Variants in NREP observed in about 807,000 individuals in gnomAD.
NREP encodes neuronal regeneration-related protein.
In NREP, 5 loss-of-function variants were observed where a neutral mutation model predicts 8.6. The ratio of observed to expected loss-of-function variants is 0.58; its 90% CI spans 0.30 to 1.22. The LOEUF (loss-of-function observed/expected upper bound fraction) is 1.22, where lower values mean the gene tolerates loss of function less well. NREP is among the 50% of genes most tolerant of loss of function. The pLI is 0.07. For synonymous variants in NREP, 27 were observed against 28.0 expected (o/e 0.96, Z 0.11); for missense variants, 86 against 82.5 (o/e 1.04, Z -0.17).
chr5:111,910,522 T>C, intron 2 of NREP, among the ~76,000 whole-genome samples: 1 of 152,028 alleles, frequency 6.6e-6, no homozygotes, highest in Non-Finnish European at 1.5e-5. Context: ...GTTTTCTTCC[T>C]GAGAAGAAAC....
chr5:111,730,510 GGTTT>G lies in NREP; in HGVS notation c.*407_*410del, dbSNP rs1482060030. 1.3e-5 allele frequency: 2 copies of G among 154,520 alleles called. No individual in the cohort carries two copies. Among genetic ancestry groups the G allele is most frequent in the Admixed American group, 6.4e-5 (1 of 15,634 alleles). 9.6% of individuals were successfully genotyped at this position (154,520 alleles called of 1,614,324 possible). A position where few individuals can be genotyped will look rare whatever the true frequency, so the allele number is the denominator to read the frequency against. On this transcript the variant is annotated 3_prime_UTR_variant, in exon 4 of 4. Coordinates refer to ENST00000257435, the MANE Select transcript of NREP (RefSeq NM_004772.4). The stretch of plus-strand genomic sequence containing the variant: ...GACAATTGATGAACATAAACTACTA[GGTTT>G]GTTACATCTAAATGAAAAAAAAGGT...
chr5:111,740,972 A>G (rs1001110216), intron 2 of NREP, among the ~76,000 whole-genome samples: 16 of 152,222 alleles, frequency 1.1e-4, no homozygotes, highest in African/African-American at 3.6e-4. Context: ...GAGGCTAAAT[A>G]CACCACACAC....
chr5:111,888,357 G>T (rs1754313744), intron 2 of NREP, among the ~76,000 whole-genome samples: 1 of 151,846 alleles, frequency 6.6e-6, no homozygotes, highest in East Asian at 1.9e-4. Context: ...GGGGTCTCAG[G>T]AAACTTACAA....
rs1487097716 is a variant in NREP, at chr5:111,871,548, T to TTA, written c.135+103724_135+103725dup. 3.3e-5 allele frequency among the ~76,000 whole-genome samples: 5 copies of TTA among 152,300 alleles called. No homozygotes were observed. The East Asian group carries it at 9.6e-4, about 29-fold the overall frequency. On this transcript the variant is annotated intron_variant, in intron 2 of 3. Coordinates refer to the NREP transcript ENST00000395634. ...CTAATAATACATTAATTGTAGCTTA[T>TTA]TATAACTTACTTTGTAAACCTAATT...
chr5:111,750,161 T>G (rs552458617), intron 2 of NREP, among the ~76,000 whole-genome samples: 2 of 152,204 alleles, frequency 1.3e-5, no homozygotes, highest in South Asian at 4.2e-4. Context: ...AGGAGGAAGA[T>G]CTCCCCTATG....
chr5:111,814,057 G>T (rs1363572787), intron 2 of NREP, among the ~76,000 whole-genome samples: 1 of 151,814 alleles, frequency 6.6e-6, no homozygotes, highest in Non-Finnish European at 1.5e-5. Flanking sequence ...ACAAATGTTT[G>T]AGAAAGAAGA....
chr5:111,881,555 A>G (rs7720931), intron 2 of NREP, among the ~76,000 whole-genome samples: 97,620 of 152,054 alleles, frequency 0.64, 31,958 homozygotes, highest in Non-Finnish European at 0.71. Context: ...CCTGACCCCC[A>G]AGCAGTCTAA....
intron 2 of NREP, among the ~76,000 whole-genome samples, chr5:111,910,188 C>T (rs1754873978): frequency 6.6e-6 from 1 of 152,086 alleles, no homozygotes; most frequent in African/African-American, 2.4e-5. Flanking sequence ...AACATCTGCA[C>T]TTCTGATTGC....
upstream of NREP, among the ~76,000 whole-genome samples, chr5:111,759,129 G>A (rs1750896659): frequency 6.6e-6 from 1 of 152,198 alleles, no homozygotes; most frequent in African/African-American, 2.4e-5. Flanking sequence ...TGGGAGAGGG[G>A]AGACGCCTGG....
chr5:111,950,427 C>T lies in NREP; in HGVS notation c.135+24847G>A, dbSNP rs36133922. ...TGGATTAAAGACTTAAATGTGAAAC[C>T]CAAAACCTTAAAAACCCTGGGAGAA... On this transcript the variant is annotated intron_variant, in intron 2 of 3. Coordinates refer to the NREP transcript ENST00000395634. Among the ~76,000 whole-genome samples, 124 of 151,960 alleles carry T rather than the reference C, an allele frequency of 8.2e-4. 1 individual carries two copies. Among genetic ancestry groups the T allele is most frequent in the African/African-American group, 2.7e-3 (111 of 41,438 alleles).
At chr5:111,765,132 T>G (rs530367927) in intron 2 of NREP, among the ~76,000 whole-genome samples, 1 of 152,034 alleles carries the variant, frequency 6.6e-6, no homozygotes, top group Non-Finnish European at 1.5e-5. Context: ...GGGGGTATGG[T>G]TTTGGGAGAA....
intron 2 of NREP, among the ~76,000 whole-genome samples, chr5:111,835,813 G>A (rs1752879165): frequency 6.6e-6 from 1 of 152,076 alleles, no homozygotes; most frequent in African/African-American, 2.4e-5. Context: ...GGTCATTGCT[G>A]TATAAAGTTC....
chr5:111,822,182 T>C (rs889233414), intron 2 of NREP, among the ~76,000 whole-genome samples: 2 of 152,150 alleles, frequency 1.3e-5, no homozygotes, highest in Non-Finnish European at 2.9e-5. Flanking sequence ...AATCAAGTCT[T>C]TGAAGGCATT....
intron 2 of NREP, among the ~76,000 whole-genome samples, chr5:111,954,564 T>C (rs1224895707): frequency 6.6e-6 from 1 of 152,176 alleles, no homozygotes; most frequent in Non-Finnish European, 1.5e-5. Context: ...AACTTCTCTC[T>C]ACTTCAAAGT....
chr5:111,786,454 A>G (rs1751613832), intron 2 of NREP, among the ~76,000 whole-genome samples: 1 of 152,156 alleles, frequency 6.6e-6, no homozygotes, highest in African/African-American at 2.4e-5. Context: ...CTCTCTCCTG[A>G]CCTCCAGAAA....
intron 2 of NREP, among the ~76,000 whole-genome samples, chr5:111,871,456 C>T (rs921130141): frequency 6.6e-6 from 1 of 152,046 alleles, no homozygotes; most frequent in Non-Finnish European, 1.5e-5. Context: ...AGGCCTAGTA[C>T]ATTATACTAC....
intron 2 of NREP, among the ~76,000 whole-genome samples, chr5:111,772,808 T>C (rs1019019009): frequency 3.9e-5 from 6 of 152,202 alleles, no homozygotes; most frequent in African/African-American, 1.2e-4. Flanking sequence ...TAATCTTCTT[T>C]ATTATGTATT....
chr5:111,786,391 A>C (rs1317338315), intron 2 of NREP, among the ~76,000 whole-genome samples: 1 of 152,174 alleles, frequency 6.6e-6, no homozygotes, highest in African/African-American at 2.4e-5. Flanking sequence ...GTGAGAACAG[A>C]CTAATACAGT....
At chr5:111,783,501 T>C (rs1467391684) in intron 2 of NREP, among the ~76,000 whole-genome samples, 1 of 152,224 alleles carries the variant, frequency 6.6e-6, no homozygotes, top group Non-Finnish European at 1.5e-5. Context: ...GGGAACAACT[T>C]TGCATTATTT....
Sources: allele counts gnomAD v4.1 joint callset (sites outside exome capture counted in the v4.1 genomes callset), GRCh38; gene constraint gnomAD v4.1.1; transcripts MANE v1.5; gene names NCBI Gene and HGNC (gene_info 2026-07-23, HGNC 2026-07-21).